TRPM3: variants seen among roughly 807,000 people sequenced by gnomAD.
The protein encoded by TRPM3 is long transient receptor potential channel 3.
In TRPM3, 77 loss-of-function variants were observed where a neutral mutation model predicts 181.2. The ratio of observed to expected loss-of-function variants is 0.42; its 90% confidence interval spans 0.35 to 0.51. The LOEUF (loss-of-function observed/expected upper bound fraction) is 0.51, where lower values mean the gene tolerates loss of function less well. TRPM3 is among the 20% of genes least tolerant of loss of function. The pLI is 0.01. For missense variants in TRPM3, 1,759 were observed against 2,196.7 expected (o/e 0.80, Z 3.98); for synonymous variants, 745 against 796.4 (o/e 0.94, Z 1.09).
At chr9:71,313,876 A>C (rs1363351292) in intron 1 of TRPM3, among the ~76,000 whole-genome samples, 2 of 152,198 alleles carry the variant, frequency 1.3e-5, no homozygotes, top group Non-Finnish European at 2.9e-5. Flanking sequence ...AGAAAACATC[A>C]GCAATAAACC....
chr9:70,613,675 C>G (rs1291702945), intron 18 of TRPM3, among the ~76,000 whole-genome samples: 2 of 152,214 alleles, frequency 1.3e-5, no homozygotes, highest in Non-Finnish European at 2.9e-5. Context: ...CTTCTCCCTG[C>G]TGTTTCTGCC....
chr9:70,916,916 C>G, intron 1 of TRPM3: 1 of 998,140 alleles, frequency 1.0e-6, no homozygotes, highest in East Asian at 2.4e-5. Flanking sequence ...TGGTTCACTT[C>G]TCTTTAGATA....
chr9:71,108,852 T>C (rs977483328), intron 1 of TRPM3, among the ~76,000 whole-genome samples: 1 of 152,218 alleles, frequency 6.6e-6, no homozygotes. Context: ...GTTAATGTTA[T>C]ATGTCAACTT....
chr9:71,410,788 T>G lies in TRPM3; in HGVS notation c.183+35865A>C, dbSNP rs374014329. ...CCAGCATCATCCTGATACCAAAGCC[T>G]GGCAGAGACAACTAAAAAAGGAATT... is the stretch of plus-strand genomic sequence containing the variant. On this transcript the variant is annotated intron_variant, in intron 1 of 24. Coordinates refer to the TRPM3 transcript ENST00000357533. Among the ~76,000 whole-genome samples the G allele has an allele frequency of 3.0e-4, 45 of 152,278 alleles. No individual in the cohort carries two copies. The South Asian group carries it at 9.3e-3, about 32-fold the overall frequency.
intron 1 of TRPM3, among the ~76,000 whole-genome samples, chr9:71,047,719 T>C (rs1316485882): frequency 1.3e-5 from 2 of 152,090 alleles, no homozygotes; most frequent in Non-Finnish European, 1.5e-5. Flanking sequence ...GCTAAATATG[T>C]TCCATAGTAG....
intron 1 of TRPM3, among the ~76,000 whole-genome samples, chr9:71,275,256 A>G (rs2084107136): frequency 6.6e-6 from 1 of 152,226 alleles, no homozygotes; most frequent in African/African-American, 2.4e-5. Flanking sequence ...CTCCAGCAAC[A>G]AAGCTTTAAA....
intron 1 of TRPM3, among the ~76,000 whole-genome samples, chr9:71,048,836 A>G (rs2059754478): frequency 6.6e-6 from 1 of 152,198 alleles, no homozygotes; most frequent in African/African-American, 2.4e-5. Flanking sequence ...TGAGAGGAAT[A>G]TCTGGATGTA....
At chr9:70,776,558 A>C (rs1259209214) in intron 7 of TRPM3, 1 of 645,714 alleles carries the variant, frequency 1.5e-6, no homozygotes, top group Non-Finnish European at 2.8e-6. Flanking sequence ...ACTCCATGTA[A>C]ATAAAAATAC....
chr9:70,909,817 ATGGCAATTACTT>A (rs765986724), intron 1 of TRPM3, among the ~76,000 whole-genome samples: 1 of 152,206 alleles, frequency 6.6e-6, no homozygotes, highest in Non-Finnish European at 1.5e-5. Context: ...ATTAAAGGTG[ATGGCAATTACTT>A]TTGCACCGAC....
chr9:70,620,323 G>A lies in TRPM3; in HGVS notation c.1882C>T (p.Arg628Cys), dbSNP rs776280296. ...AAGTCAATGTCCACCTCTTCTTCAC[G>A]TTTCTTGGTTGTCTTTCTTCCTCGC... The part of the protein sequence containing the change: ...LRRGRKTTKK[R>C]EEEVDIDLDD... Residue 628 changes from arginine to cysteine, a missense_variant, in exon 16 of 26, where the codon CGT (arginine) becomes TGT (cysteine). Arg to Cys is a radical substitution (Grantham distance 180). Transcript: ENST00000677713. 20 of 1,613,806 alleles carry A rather than the reference G, an allele frequency of 1.2e-5. No individual in the cohort carries two copies. Among genetic ancestry groups the A allele is most frequent in the Admixed American group, 5.0e-5 (3 of 60,000 alleles).
In TRPM3 at chr9:71,092,989, A is replaced by T. The variant is rs148419863; in HGVS notation, c.177+28189T>A. 4.9e-3 allele frequency among the ~76,000 whole-genome samples: 753 copies of T among 152,322 alleles called. 19 individuals carry two copies. The East Asian group carries it at 0.078, about 16-fold the overall frequency. Reference sequence around the variant, plus strand: ...TCAACAAACCTGACATGAGGAAAGGATTCTCTATTTAATAAATGGTGTTGG... The same window carrying T: ...TCAACAAACCTGACATGAGGAAAGGTTTCTCTATTTAATAAATGGTGTTGG... On this transcript the variant is annotated intron_variant, in intron 1 of 25. Coordinates refer to ENST00000677713, the MANE Select transcript of TRPM3 (RefSeq NM_001366145.2).
At chr9:70,757,292 C>A (rs1191970467) in intron 8 of TRPM3, among the ~76,000 whole-genome samples, 2 of 152,004 alleles carry the variant, frequency 1.3e-5, no homozygotes, top group Non-Finnish European at 2.9e-5. Flanking sequence ...AGGAAGAAGT[C>A]AAATCCCTGA....
chr9:70,864,534 A>AG (rs756109012), intron 1 of TRPM3, 23 bp from the exon 2 acceptor site: 1 of 1,465,696 alleles, frequency 6.8e-7, no homozygotes, highest in Admixed American at 2.6e-5. Flanking sequence ...ACAAAAAAAA[A>AG]AAAAAAAGAA....
intron 1 of TRPM3, among the ~76,000 whole-genome samples, chr9:71,014,655 G>A (rs908095850): frequency 3.9e-5 from 6 of 152,044 alleles, no homozygotes; most frequent in African/African-American, 1.4e-4. Context: ...TATCAAGATG[G>A]CAATTGCTGA....
At chr9:70,580,624 G>A (rs1055062583) in intron 22 of TRPM3, among the ~76,000 whole-genome samples, 24 of 152,126 alleles carry the variant, frequency 1.6e-4, no homozygotes, top group African/African-American at 5.1e-4. Flanking sequence ...GCCCCCATAT[G>A]CCCACACCAG....
chr9:71,289,033 A>G (rs950971506), intron 1 of TRPM3, among the ~76,000 whole-genome samples: 1 of 152,144 alleles, frequency 6.6e-6, no homozygotes, highest in Non-Finnish European at 1.5e-5. Context: ...TCATATACAC[A>G]TTTATTTTAA....
chr9:71,241,969 C>T (rs1427533431), intron 1 of TRPM3, among the ~76,000 whole-genome samples: 1 of 152,194 alleles, frequency 6.6e-6, no homozygotes, highest in African/African-American at 2.4e-5. Context: ...GGTCATTGTG[C>T]CAGTGGGCAC....
At chr9:70,650,337 G>T (rs1487972672) in intron 9 of TRPM3, among the ~76,000 whole-genome samples, 1 of 152,104 alleles carries the variant, frequency 6.6e-6, no homozygotes, top group Non-Finnish European at 1.5e-5. Context: ...GAAAAAGAAA[G>T]TCTAAGGCCA....
intron 1 of TRPM3, among the ~76,000 whole-genome samples, chr9:70,913,347 T>A (rs1308552823): frequency 6.6e-6 from 1 of 152,186 alleles, no homozygotes; most frequent in East Asian, 1.9e-4. Context: ...CAAAAATCAG[T>A]ACTCTAATCA....
Sources: allele counts gnomAD v4.1 joint callset (sites outside exome capture counted in the v4.1 genomes callset), GRCh38; gene constraint gnomAD v4.1.1; transcripts MANE v1.5; gene names NCBI Gene and HGNC (gene_info 2026-07-23, HGNC 2026-07-21).